Variants in ZMAT4 observed in about 807,000 individuals in gnomAD.
ZMAT4 encodes zinc finger matrin-type protein 4.
In ZMAT4, 17 loss-of-function variants were observed where a neutral mutation model predicts 28.7. The ratio of observed to expected loss-of-function variants is 0.59; its 90% CI spans 0.41 to 0.89. The LOEUF is 0.89. ZMAT4 is among the 40% of genes least tolerant of loss of function. The pLI, the probability that ZMAT4 is intolerant of heterozygous loss-of-function variation, is 0.00. For synonymous variants in ZMAT4, 117 were observed against 109.2 expected, an observed-to-expected ratio of 1.07 and a Z score of -0.44; for missense variants, 240 against 283.8, an observed-to-expected ratio of 0.85 and a Z score of 1.11.
intron 6 of ZMAT4, among the ~76,000 whole-genome samples, chr8:40,564,650 T>G (rs1447840667): frequency 6.6e-6 from 1 of 152,206 alleles, no homozygotes; most frequent in Non-Finnish European, 1.5e-5. Context: ...GCAGGGCCAC[T>G]GTTGCAGCCT....
intron 6 of ZMAT4, among the ~76,000 whole-genome samples, chr8:40,553,417 G>T (rs868675267): frequency 6.6e-6 from 1 of 152,148 alleles, no homozygotes; most frequent in African/African-American, 2.4e-5. Flanking sequence ...TAAAAGTAGA[G>T]GGTGGCATAC....
intron 5 of ZMAT4, among the ~76,000 whole-genome samples, chr8:40,610,433 T>C (rs540381390): frequency 1.7e-4 from 26 of 152,292 alleles, no homozygotes; most frequent in African/African-American, 6.0e-4. Flanking sequence ...GGCAATTCAT[T>C]CCATGAGGAG....
In ZMAT4 at chr8:40,647,367, C is replaced by T. The variant is rs113816136; in HGVS notation, c.577+27337G>A. ...CCACCCGAATACTGCGCTTTTCTGA[C>T]GGGCTTAAAACACGGCGCACCACAA... On this transcript the variant is annotated intron_variant, in intron 5 of 6. Coordinates refer to ENST00000297737, the MANE Select transcript of ZMAT4 (RefSeq NM_024645.3). Among the ~76,000 whole-genome samples, 357 of 152,330 alleles carry T rather than the reference C, an allele frequency of 2.3e-3. 1 individual carries two copies. The highest frequency in any genetic ancestry group is 7.9e-3 in the African/African-American group (330 of 41,576).
intron 6 of ZMAT4, among the ~76,000 whole-genome samples, chr8:40,543,623 C>T (rs1803110737): frequency 6.6e-6 from 1 of 152,174 alleles, no homozygotes; most frequent in African/African-American, 2.4e-5. Context: ...CCTCTATGAG[C>T]CTCAGTTCCC....
chr8:40,779,622 G>A (rs192691820), intron 2 of ZMAT4, among the ~76,000 whole-genome samples: 3 of 152,210 alleles, frequency 2.0e-5, no homozygotes, highest in Admixed American at 6.5e-5. Flanking sequence ...AGGCAGTTTC[G>A]TGACTGAATA....
intron 2 of ZMAT4, among the ~76,000 whole-genome samples, chr8:40,819,220 G>T (rs1286835908): frequency 6.6e-6 from 1 of 152,040 alleles, no homozygotes. Context: ...ATTCCCAGGT[G>T]GGCTAAAAGG....
At chr8:40,601,493 G>GAA (rs1291304410) in intron 5 of ZMAT4, among the ~76,000 whole-genome samples, 857 of 63,170 alleles carry the variant, frequency 0.014, 119 homozygotes, top group African/African-American at 0.016. Flanking sequence ...AAGAAAGAAA[G>GAA]AGAGAAAGAA....
At position 40,881,573 on chromosome 8, in the gene ZMAT4, AG is replaced by A. The variant is rs1818263595; in HGVS notation, c.-5+16109del. Reference sequence around the variant, plus strand: ...AAGAAAGAAAGAAAGAAAGAAAGAAAGAAAGAAAGAAAGAAAGAAAGAAAGA... The same window carrying A: ...AAGAAAGAAAGAAAGAAAGAAAGAAAAAAGAAAGAAAGAAAGAAAGAAAGA... On this transcript the variant is annotated intron_variant, in intron 1 of 6. Transcript: ENST00000297737. Among the ~76,000 whole-genome samples, 4 of 106,596 alleles carry A rather than the reference AG, an allele frequency of 3.8e-5. 1 individual carries two copies. Among genetic ancestry groups the A allele is most frequent in the African/African-American group, 1.5e-4 (4 of 26,316 alleles). The allele number at this position is 106,596 out of a possible 152,430, so 69.9% of individuals were successfully genotyped here. A position where few individuals can be genotyped will look rare whatever the true frequency, so the allele number is the denominator to read the frequency against.
chr8:40,815,018 T>C (rs1815474568), intron 2 of ZMAT4, among the ~76,000 whole-genome samples: 2 of 152,210 alleles, frequency 1.3e-5, no homozygotes, highest in South Asian at 4.1e-4. Flanking sequence ...CTCATGCCTG[T>C]AATCCCAGCA....
intron 2 of ZMAT4, among the ~76,000 whole-genome samples, chr8:40,782,446 C>A (rs1813878623): frequency 6.6e-6 from 1 of 152,098 alleles, no homozygotes; most frequent in African/African-American, 2.4e-5. Flanking sequence ...GAAAAGACAA[C>A]ACACAGAATG....
At chr8:40,810,027 G>A (rs1815254233) in intron 2 of ZMAT4, among the ~76,000 whole-genome samples, 1 of 152,008 alleles carries the variant, frequency 6.6e-6, no homozygotes, top group Admixed American at 6.6e-5. Context: ...TGTGTGACAA[G>A]AGCTAAACTC....
chr8:40,585,979 A>G (rs1006404429), intron 5 of ZMAT4, among the ~76,000 whole-genome samples: 6 of 152,198 alleles, frequency 3.9e-5, no homozygotes, highest in Non-Finnish European at 5.9e-5. Context: ...TCTAAAACAT[A>G]TTCTGATCTG....
intron 6 of ZMAT4, among the ~76,000 whole-genome samples, chr8:40,562,287 A>G (rs1456581859): frequency 6.6e-6 from 1 of 152,112 alleles, no homozygotes; most frequent in African/African-American, 2.4e-5. Flanking sequence ...TCCTAAGCTG[A>G]AGACAGGTAG....
rs554419727 is a variant in ZMAT4 at position 40,561,653 on chromosome 8, C to T, written c.674+19512G>A. On this transcript the variant is annotated intron_variant, in intron 6 of 6. Transcript: ENST00000297737. Reference sequence around the variant, plus strand: ...CATTAGAGAGGGTGCTGAACCAGCTCTCACAAAGGCTCAGTGCAAGCTTGT... The same window carrying T: ...CATTAGAGAGGGTGCTGAACCAGCTTTCACAAAGGCTCAGTGCAAGCTTGT... Among the ~76,000 whole-genome samples, 27 of 152,274 alleles carry T rather than the reference C, an allele frequency of 1.8e-4. No homozygotes were observed. The East Asian group carries it at 4.4e-3, about 25-fold the overall frequency.
intron 3 of ZMAT4, among the ~76,000 whole-genome samples, chr8:40,699,429 G>A (rs576843273): frequency 1.3e-5 from 2 of 152,246 alleles, no homozygotes; most frequent in African/African-American, 4.8e-5. Flanking sequence ...GAACTATCAT[G>A]TGATCCAGAA....
chr8:40,816,574 T>C (rs1815549805), intron 2 of ZMAT4, among the ~76,000 whole-genome samples: 1 of 152,030 alleles, frequency 6.6e-6, no homozygotes, highest in African/African-American at 2.4e-5. Flanking sequence ...GGTTATATGG[T>C]AGCAAAATAC....
chr8:40,871,258 A>T (rs1419382056), intron 1 of ZMAT4, among the ~76,000 whole-genome samples: 4 of 152,198 alleles, frequency 2.6e-5, no homozygotes, highest in Admixed American at 2.0e-4. Context: ...AGAAGAGAAG[A>T]TTAGTACAAT....
chr8:40,798,820 C>A (rs1234013658), intron 2 of ZMAT4, among the ~76,000 whole-genome samples: 1 of 152,194 alleles, frequency 6.6e-6, no homozygotes, highest in African/African-American at 2.4e-5. Context: ...GATGGTTAAA[C>A]CTGAAGGCAG....
At chr8:40,560,269 A>G (rs979663702) in intron 6 of ZMAT4, among the ~76,000 whole-genome samples, 11 of 152,008 alleles carry the variant, frequency 7.2e-5, no homozygotes, top group African/African-American at 2.7e-4. Context: ...TGTCCTGAAC[A>G]AATTATGTAA....
Sources: gnomAD v4.1 joint callset for allele counts (sites outside exome capture counted in the v4.1 genomes callset) on GRCh38, gnomAD v4.1.1 for gene constraint, MANE v1.5 for transcripts, NCBI Gene and HGNC (gene_info 2026-07-23, HGNC 2026-07-21) for gene names.